Variants in VWF observed in about 807,000 individuals in gnomAD.
The protein encoded by VWF is von Willebrand factor, also known as Factor VIII related antigen.
VWF carries 176 observed loss-of-function variants against 308.6 expected under a neutral mutation model. The observed-to-expected ratio is 0.57, with a 90% CI of 0.50 to 0.65. VWF has a LOEUF of 0.65. Among genes scored for constraint, VWF ranks in the 30% least tolerant of loss-of-function variants. VWF has a pLI of 0.00. For missense variants in VWF, 3,146 were observed against 3,648.2 expected, an observed-to-expected ratio of 0.86 and a Z score of 3.55; for synonymous variants, 1,385 against 1,443.4, an observed-to-expected ratio of 0.96 and a Z score of 0.92.
intron 19 of VWF, among the ~76,000 whole-genome samples, chr12:6,035,044 A>AG (rs1224081681): frequency 1.3e-5 from 2 of 152,144 alleles, no homozygotes; most frequent in Non-Finnish European, 2.9e-5. Flanking sequence ...TGTCCCTAAA[A>AG]GGGGGAAACT....
rs1488332900 is a variant in VWF at position 6,073,679 on chromosome 12, G to C, written c.937C>G (p.Gln313Glu). ...CACATTTCATTGATGTGCAGGCTCT[G>C]GCAGGTCCTGGCGCAAGGGGACACA... Reference protein sequence around the residue: ...QCVSPCARTCQSLHINEMCQE... With the variant: ...QCVSPCARTCESLHINEMCQE... The change falls in exon 8 of 52, where the codon CAG (glutamine) becomes GAG (glutamate). Residue 313 changes from glutamine to glutamate, a missense_variant. Gln to Glu is a conservative substitution (Grantham distance 29, BLOSUM62 2). Coordinates refer to ENST00000261405, the MANE Select transcript of VWF (RefSeq NM_000552.5). The C allele has an allele frequency of 6.2e-7, 1 of 1,613,936 alleles. No homozygotes were observed. The highest frequency in any genetic ancestry group is 1.3e-5 in the African/African-American group (1 of 74,892).
At chr12:5,984,017 T>TAGATAGATAGATAGATAGAC (rs60466769) in intron 40 of VWF, among the ~76,000 whole-genome samples, 2 of 134,500 alleles carry the variant, frequency 1.5e-5, no homozygotes, top group African/African-American at 6.3e-5. Flanking sequence ...GATAGATAGA[T>TAGATAGATAGATAGATAGAC]AGACAGACAG....
intron 5 of VWF, among the ~76,000 whole-genome samples, chr12:6,104,291 A>T (rs1565391579): frequency 1.3e-5 from 2 of 152,106 alleles, no homozygotes; most frequent in African/African-American, 4.8e-5. Context: ...GTTGGCAAGG[A>T]TGAGGAAAAA....
chr12:6,121,712 C>G (rs529913649), intron 2 of VWF, among the ~76,000 whole-genome samples: 12 of 152,162 alleles, frequency 7.9e-5, no homozygotes, highest in African/African-American at 2.7e-4. Flanking sequence ...GGGCAGATCA[C>G]CTGAGGTCAG....
chr12:5,989,134 C>T (rs776686397), intron 38 of VWF, among the ~76,000 whole-genome samples: 2 of 152,186 alleles, frequency 1.3e-5, no homozygotes, highest in Non-Finnish European at 2.9e-5. Context: ...CCTGTCACTA[C>T]AGCACCCACC....
intron 8 of VWF, 21 bp from the exon 9 acceptor site, chr12:6,072,463 A>G (rs760867670): frequency 5.0e-6 from 8 of 1,591,432 alleles, no homozygotes; most frequent in Non-Finnish European, 6.9e-6. Flanking sequence ...GGGCATCAAG[A>G]CAAAGGCCTC....
chr12:6,121,205 C>G lies in VWF; in HGVS notation c.189G>C (p.Gly63=), dbSNP rs144310330. 4.3e-6 allele frequency: 7 copies of G among 1,614,166 alleles called. No individual in the cohort carries two copies. The highest frequency in any genetic ancestry group is 5.1e-6 in the Non-Finnish European group (6 of 1,180,034). The part of the protein sequence containing the change: ...FAGYCSYLLA[G]GCQKRSFSII... The stretch of plus-strand genomic sequence containing the variant: ...TCGAGAAGGAGCGTTTCTGGCAGCC[C>G]CCTGCCAGGAGGTAACTGCAGTATC... The change falls in exon 3 of 52, where the codon GGG becomes GGC. Residue 63 remains glycine (G), a synonymous_variant. Transcript: ENST00000261405.
rs1944449377 is a variant in VWF, at chr12:6,046,679, G to T, written c.2281+44C>A. The T allele has an allele frequency of 1.3e-6, 2 of 1,568,720 alleles. No homozygotes were observed. Among genetic ancestry groups the T allele is most frequent in the Non-Finnish European group, 1.8e-6 (2 of 1,139,122 alleles). ...CCGCCATTCCACACGTGAGGAATCT[G>T]GGCAGGATGGAGTCAATGGGCCTTC... is the stretch of plus-strand genomic sequence containing the variant. On this transcript the variant is annotated intron_variant, in intron 17 of 51. Coordinates refer to ENST00000261405, the MANE Select transcript of VWF (RefSeq NM_000552.5). The surrounding 1 kb of genome is among the most constrained non-coding windows in gnomAD (Gnocchi z 5.0).
intron 17 of VWF, among the ~76,000 whole-genome samples, chr12:6,045,498 G>A (rs1419251717): frequency 2.0e-5 from 3 of 152,266 alleles, no homozygotes; most frequent in East Asian, 3.9e-4. Flanking sequence ...GAGAGTGGGT[G>A]TGGGGAAAAC....
chr12:6,111,642 C>A (rs1383226278), intron 3 of VWF, among the ~76,000 whole-genome samples: 1 of 152,170 alleles, frequency 6.6e-6, no homozygotes, highest in Non-Finnish European at 1.5e-5. Flanking sequence ...CCCGCTCTGG[C>A]CTAGCAGTGC....
intron 2 of VWF, chr12:6,122,657 A>G (rs1945444350): frequency 2.3e-6 from 1 of 435,086 alleles, no homozygotes; most frequent in Non-Finnish European, 4.5e-6. Flanking sequence ...GAATCTTAGC[A>G]AGGGAAGGGC....
At chr12:6,035,416 G>C (rs746542924) in intron 19 of VWF, among the ~76,000 whole-genome samples, 1 of 152,168 alleles carries the variant, frequency 6.6e-6, no homozygotes, top group Non-Finnish European at 1.5e-5. Flanking sequence ...CCCGTAACCA[G>C]AGCTGACATC....
chr12:5,965,472 C>T (rs1173902177), intron 47 of VWF, among the ~76,000 whole-genome samples: 2 of 152,174 alleles, frequency 1.3e-5, no homozygotes, highest in African/African-American at 4.8e-5. Context: ...TCAGGGTTGC[C>T]CTCCTCCGGG....
At chr12:6,056,818 G>A (rs959642953) in intron 15 of VWF, 39 bp downstream of exon 15, 653 of 1,343,774 alleles carry the variant, frequency 4.9e-4, no homozygotes, top group Non-Finnish European at 5.9e-4. Context: ...ACGGATTTGG[G>A]GGGCGGCCCG....
intron 31 of VWF, among the ~76,000 whole-genome samples, chr12:6,014,368 G>A (rs1453278656): frequency 6.6e-6 from 1 of 152,210 alleles, no homozygotes; most frequent in Admixed American, 6.5e-5. Flanking sequence ...GCTGTGCTGA[G>A]AATGATCTGC....
At chr12:6,082,187 G>A (rs945568104) in intron 6 of VWF, among the ~76,000 whole-genome samples, 1 of 152,022 alleles carries the variant, frequency 6.6e-6, no homozygotes, top group Non-Finnish European at 1.5e-5. Flanking sequence ...GGCTGGTCTC[G>A]AACTCCTGAC....
At chr12:5,986,130 C>T (rs1943677825) in intron 38 of VWF, among the ~76,000 whole-genome samples, 1 of 152,162 alleles carries the variant, frequency 6.6e-6, no homozygotes, top group Admixed American at 6.5e-5. Flanking sequence ...CTTTAGAGGC[C>T]TGAGTGCAGT....
chr12:6,104,488 C>G (rs979978269), intron 5 of VWF, among the ~76,000 whole-genome samples: 3 of 151,794 alleles, frequency 2.0e-5, no homozygotes, highest in Non-Finnish European at 4.4e-5. Context: ...GAGTTTGAGA[C>G]CAGCCTGGCC....
chr12:5,948,971 G>T lies in VWF; in HGVS notation c.*44C>A, dbSNP rs757176138. On this transcript the variant is annotated 3_prime_UTR_variant, in exon 52 of 52. Coordinates refer to ENST00000261405, the MANE Select transcript of VWF (RefSeq NM_000552.5). The surrounding 1 kb of genome is among the most constrained non-coding windows in gnomAD (Gnocchi z 4.4). ...TGGCAGCACTCTGGCCTGGCCATCA[G>T]GCCAAGGCAGGCAGCAGCAGGCACC... 1 of 1,588,546 alleles carries T rather than the reference G, an allele frequency of 6.3e-7. No homozygotes were observed. Among genetic ancestry groups the T allele is most frequent in the South Asian group, 1.1e-5 (1 of 88,044 alleles).
Sources: allele counts gnomAD v4.1 joint callset (sites outside exome capture counted in the v4.1 genomes callset), GRCh38; gene constraint gnomAD v4.1.1; non-coding constraint Gnocchi (gnomAD v3.1); transcripts MANE v1.5; gene names NCBI Gene and HGNC (gene_info 2026-07-23, HGNC 2026-07-21).